The following CDH23 variants were observed in gnomAD, a reference collection of about 807,000 sequenced individuals.
The protein encoded by CDH23 is cadherin related 23.
A neutral mutation model predicts 317.1 loss-of-function variants in CDH23; 189 were observed. The observed-to-expected ratio is 0.60, with a 90% confidence interval of 0.53 to 0.67. CDH23 has a LOEUF of 0.67. CDH23 is among the 30% of genes least tolerant of loss of function. The probability of loss-of-function intolerance (pLI) is 0.00; values close to 1 mark genes in which losing one functional copy is unlikely to be tolerated. For missense variants in CDH23, 4,401 were observed against 4,592.4 expected, an observed-to-expected ratio of 0.96 and a Z score of 1.20; for synonymous variants, 1,839 against 1,876.8, an observed-to-expected ratio of 0.98 and a Z score of 0.52.
intron 14 of CDH23, among the ~76,000 whole-genome samples, chr10:71,667,153 G>A (rs1387278803): frequency 6.6e-6 from 1 of 152,226 alleles, no homozygotes; most frequent in Non-Finnish European, 1.5e-5. Flanking sequence ...CAGAGCAGAA[G>A]CCCCGTGCGG....
rs544902487 is a variant in CDH23 at position 71,468,643 on chromosome 10, TC to T, written c.145+22251del. On this transcript the variant is annotated intron_variant, in intron 3 of 69. Coordinates refer to ENST00000224721, the MANE Select transcript of CDH23 (RefSeq NM_022124.6). The stretch of plus-strand genomic sequence containing the variant: ...TCCTAGGTGCCCTTCCACAAAGTCC[TC>T]CCTGATCTGTCACTGGAAATGGTGT... 6.4e-3 allele frequency among the ~76,000 whole-genome samples: 982 copies of T among 152,318 alleles called. 14 individuals are homozygous for T. Among genetic ancestry groups the T allele is most frequent in the African/African-American group, 0.022 (933 of 41,558 alleles).
chr10:71,628,870 C>T (rs1293970498), intron 11 of CDH23, among the ~76,000 whole-genome samples: 1 of 152,204 alleles, frequency 6.6e-6, no homozygotes, highest in Non-Finnish European at 1.5e-5. Flanking sequence ...GCACGTTTTC[C>T]CCTCCCTGGT....
chr10:71,435,091 T>G lies in CDH23; in HGVS notation c.-5-4736T>G, dbSNP rs570526675. Among the ~76,000 whole-genome samples, 7 of 152,158 alleles carry G rather than the reference T, an allele frequency of 4.6e-5. No individual in the cohort carries two copies. The East Asian group carries it at 1.4e-3, about 29-fold the overall frequency. Reference sequence around the variant, plus strand: ...GTCACATGTCTGAGCTCAGCAAGGGTTGGGGCTGAGGCTGGGAGCCTGGCC... The same window carrying G: ...GTCACATGTCTGAGCTCAGCAAGGGGTGGGGCTGAGGCTGGGAGCCTGGCC... On this transcript the variant is annotated intron_variant, in intron 1 of 69. Transcript: ENST00000224721.
At chr10:71,578,016 C>A in intron 9 of CDH23, 24 bp downstream of exon 9, 1 of 1,568,324 alleles carries the variant, frequency 6.4e-7, no homozygotes, top group East Asian at 2.3e-5. Context: ...CTGCCCCTCT[C>A]TCCTCTCACC....
At chr10:71,563,449 C>T (rs1857232312) in intron 6 of CDH23, among the ~76,000 whole-genome samples, 2 of 152,092 alleles carry the variant, frequency 1.3e-5, no homozygotes, top group Admixed American at 6.5e-5. Flanking sequence ...CTCTTCCATC[C>T]TCATCTTGTC....
chr10:71,445,492 G>A (rs937210908), intron 2 of CDH23, among the ~76,000 whole-genome samples: 4 of 152,190 alleles, frequency 2.6e-5, no homozygotes, highest in Non-Finnish European at 5.9e-5. Context: ...CTGCCCAATA[G>A]AAAGACAATG....
chr10:71,525,009 G>A, intron 6 of CDH23, among the ~76,000 whole-genome samples: 1 of 152,238 alleles, frequency 6.6e-6, no homozygotes, highest in Non-Finnish European at 1.5e-5. Context: ...TTGGGTTCAA[G>A]TGATTCTGCT....
rs976905516 is a variant in CDH23, at chr10:71,777,728, C to T, written c.4894C>T (p.Pro1632Ser). ...CATTGTGGATGAGAATGATAACGCG[C>T]CCATGTTCCAGCAGCCCCACTATGA... ...VTIVDENDNA[P>S]MFQQPHYEVL... Residue 1632 changes from proline to serine, a missense_variant, in exon 39 of 70, where the codon CCC (proline) becomes TCC (serine). Around this residue, in one of 3 missense-constraint regions of CDH23, gnomAD observed 3,068 missense variants for 3,203.3 expected, o/e 0.96. Transcript: ENST00000224721. 1.2e-6 allele frequency: 2 copies of T among 1,613,618 alleles called. No individual in the cohort carries two copies. The highest frequency in any genetic ancestry group is 1.7e-6 in the Non-Finnish European group (2 of 1,179,768).
chr10:71,475,379 GTTCCTGCTTCCCTTTCTGT>G (rs1851737677), intron 3 of CDH23, among the ~76,000 whole-genome samples: 1 of 152,170 alleles, frequency 6.6e-6, no homozygotes, highest in Non-Finnish European at 1.5e-5. Flanking sequence ...TGGAGTTCCT[GTTCCTGCTTCCCTTTCTGT>G]TTCCTGTGTG....
intron 20 of CDH23, among the ~76,000 whole-genome samples, chr10:71,691,188 G>C (rs773879972): frequency 1.4e-4 from 22 of 152,202 alleles, no homozygotes; most frequent in Non-Finnish European, 2.6e-4. Context: ...GTCTCTCCAT[G>C]TACATTCCTC....
At chr10:71,432,444 CGTGT>C (rs1222355946) in intron 1 of CDH23, among the ~76,000 whole-genome samples, 6 of 142,830 alleles carry the variant, frequency 4.2e-5, no homozygotes, top group East Asian at 2.1e-4. Context: ...TGTTTGAGAG[CGTGT>C]GTGTGAGAGC....
At chr10:71,556,189 G>T (rs1003102508) in intron 6 of CDH23, among the ~76,000 whole-genome samples, 3 of 152,196 alleles carry the variant, frequency 2.0e-5, no homozygotes, top group African/African-American at 7.2e-5. Context: ...TATCATGATG[G>T]TCAAGGCTTG....
At chr10:71,515,383 C>G (rs960265971) in intron 6 of CDH23, among the ~76,000 whole-genome samples, 1 of 126,026 alleles carries the variant, frequency 7.9e-6, no homozygotes, top group Non-Finnish European at 1.6e-5. Context: ...CTCTCTCTCT[C>G]TCTCTCTCTC....
intron 3 of CDH23, among the ~76,000 whole-genome samples, chr10:71,458,340 C>T (rs1390791157): frequency 6.6e-6 from 1 of 152,270 alleles, no homozygotes; most frequent in Non-Finnish European, 1.5e-5. Flanking sequence ...CTCCTTTCCA[C>T]ATCTGAGCAC....
intron 3 of CDH23, among the ~76,000 whole-genome samples, chr10:71,455,890 G>A (rs1850671448): frequency 6.6e-6 from 1 of 152,158 alleles, no homozygotes; most frequent in Non-Finnish European, 1.5e-5. Flanking sequence ...GGAGAATGGG[G>A]CGATTGCCCA....
chr10:71,508,605 T>C (rs781197243), intron 3 of CDH23, among the ~76,000 whole-genome samples: 2 of 152,220 alleles, frequency 1.3e-5, no homozygotes, highest in Non-Finnish European at 2.9e-5. Context: ...ATTCCAAGAA[T>C]TTGGAATCCT....
At chr10:71,704,685 GC>G (rs2132738939) in intron 24 of CDH23, among the ~76,000 whole-genome samples, 2 of 152,284 alleles carry the variant, frequency 1.3e-5, no homozygotes, top group South Asian at 2.1e-4. Flanking sequence ...CCCATCACCG[GC>G]CTCACTTGGT....
chr10:71,568,561 G>C (rs976560546), intron 7 of CDH23, among the ~76,000 whole-genome samples: 91 of 152,182 alleles, frequency 6.0e-4, no homozygotes, highest in African/African-American at 2.2e-3. Context: ...AATCAGGCTT[G>C]GAAGCAGCAG....
In CDH23 at chr10:71,730,570, A is replaced by C. The variant is rs370848345; in HGVS notation, c.3681A>C (p.Ser1227=). The part of the protein sequence containing the change: ...GLRETAGIGT[S]VIVVQATDRD... ...GAGAGACCGCAGGCATTGGAACGTC[A>C]GTCATCGTGGTCCAAGCCACAGACC... Residue 1227 remains serine (S), a synonymous_variant, in exon 31 of 70, where the codon TCA becomes TCC. Coordinates refer to ENST00000224721, the MANE Select transcript of CDH23 (RefSeq NM_022124.6). 1.6e-5 allele frequency: 26 copies of C among 1,613,936 alleles called. No homozygotes were observed. The highest frequency in any genetic ancestry group is 2.1e-5 in the Non-Finnish European group (25 of 1,179,892).
Sources: gnomAD v4.1 joint callset for allele counts (sites outside exome capture counted in the v4.1 genomes callset) on GRCh38, gnomAD v4.1.1 for gene constraint, gnomAD v4.1.1 regional missense constraint, MANE v1.5 for transcripts, NCBI Gene and HGNC (gene_info 2026-07-23, HGNC 2026-07-21) for gene names.